TNFRSF8: variants seen among roughly 807,000 people sequenced by gnomAD.
TNFRSF8 encodes the protein tumor necrosis factor receptor superfamily member 8.
TNFRSF8 carries 26 observed loss-of-function variants against 70.8 expected under a neutral mutation model. The ratio of observed to expected loss-of-function variants is 0.37; its 90% CI spans 0.27 to 0.51. TNFRSF8 has a LOEUF of 0.51. Among genes scored for constraint, TNFRSF8 ranks in the 20% least tolerant of loss-of-function variants. The probability of loss-of-function intolerance (pLI) is 0.94; values close to 1 mark genes in which losing one functional copy is unlikely to be tolerated. For missense variants in TNFRSF8, 720 were observed against 807.9 expected (o/e 0.89, Z 1.32); for synonymous variants, 356 against 339.2 (o/e 1.05, Z -0.54).
chr1:12,101,964 C>T (rs11578477), intron 3 of TNFRSF8, among the ~76,000 whole-genome samples: 8,631 of 152,186 alleles, frequency 0.057, 332 homozygotes, highest in Non-Finnish European at 0.079. Context: ...CGTGAGCCAC[C>T]GCGCCCGGCT....
rs199941905 is a variant in TNFRSF8 at position 12,108,074 on chromosome 1, A to ATTTTTTTTTTTTT, written c.422-1485_422-1484insTTTTTTTTTTTTT. ...CGAAGTCCCACACATACAGGCCACC[A>ATTTTTTTTTTTTT]TTTTTTTATTTTTTTTTTTTTTGTG... On this transcript the variant is annotated intron_variant, in intron 4 of 14. Coordinates refer to ENST00000263932, the MANE Select transcript of TNFRSF8 (RefSeq NM_001243.5). The surrounding 1 kb of genome is among the most constrained non-coding windows in gnomAD (Gnocchi z 4.0). Among the ~76,000 whole-genome samples the ATTTTTTTTTTTTT allele has an allele frequency of 5.3e-3, 775 of 146,038 alleles. 13 individuals are homozygous for ATTTTTTTTTTTTT. The highest frequency in any genetic ancestry group is 8.2e-3 in the Non-Finnish European group (546 of 66,348).
At chr1:12,085,142 C>T (rs1488927796) in intron 2 of TNFRSF8, among the ~76,000 whole-genome samples, 3 of 151,954 alleles carry the variant, frequency 2.0e-5, no homozygotes, top group Non-Finnish European at 4.4e-5. Context: ...TGGAGTTTTG[C>T]TCTTGTTGCC....
At chr1:12,096,451 A>G (rs1641332688) in intron 2 of TNFRSF8, among the ~76,000 whole-genome samples, 1 of 150,940 alleles carries the variant, frequency 6.6e-6, no homozygotes, top group African/African-American at 2.4e-5. Context: ...AAAATCACAC[A>G]CACGCAAATC....
At chr1:12,132,814 G>A (rs544658944) in intron 12 of TNFRSF8, among the ~76,000 whole-genome samples, 21 of 142,098 alleles carry the variant, frequency 1.5e-4, no homozygotes, top group South Asian at 4.5e-4. Context: ...CTCCAGCCTC[G>A]GTGACAGAGC....
intron 2 of TNFRSF8, among the ~76,000 whole-genome samples, chr1:12,090,046 CCCATCCATCTACCCAT>C (rs1641220845): frequency 6.8e-6 from 1 of 146,760 alleles, no homozygotes; most frequent in Admixed American, 6.8e-5. Flanking sequence ...CATCTATCTA[CCCATCCATCTACCCAT>C]CCATCCATCT....
intron 2 of TNFRSF8, among the ~76,000 whole-genome samples, chr1:12,090,847 T>C (rs1641236594): frequency 6.6e-6 from 1 of 152,190 alleles, no homozygotes; most frequent in East Asian, 1.9e-4. Flanking sequence ...GTCATGCCCG[T>C]ATCCCCCAAC....
In TNFRSF8 at chr1:12,123,417, G is replaced by C. The variant is rs1157908720; in HGVS notation, c.1040+40G>C. On this transcript the variant is annotated intron_variant, in intron 9 of 14. Coordinates refer to ENST00000263932, the MANE Select transcript of TNFRSF8 (RefSeq NM_001243.5). ...CCTTCTCTCTGTTTGGCTGCTGCAG[G>C]AGGGAGCTGTCCCTGCCATGCCCAG... is the stretch of plus-strand genomic sequence containing the variant. 5.1e-6 allele frequency: 8 copies of C among 1,554,544 alleles called. No individual in the cohort carries two copies. The Admixed American group carries it at 1.1e-4, about 22-fold the overall frequency.
intron 13 of TNFRSF8, among the ~76,000 whole-genome samples, chr1:12,137,779 A>G (rs1642175056): frequency 6.6e-6 from 1 of 151,936 alleles, no homozygotes; most frequent in Admixed American, 6.6e-5. Context: ...GCTGGTACTT[A>G]CAGACTTGGG....
chr1:12,106,798 G>T (rs12092682), intron 4 of TNFRSF8, among the ~76,000 whole-genome samples: 43,660 of 151,880 alleles, frequency 0.29, 6,531 homozygotes, highest in South Asian at 0.38. Context: ...TGTGGGGCAT[G>T]TTCCCACCCG....
intron 10 of TNFRSF8, among the ~76,000 whole-genome samples, chr1:12,124,999 C>T (rs567066708): frequency 7.2e-5 from 11 of 152,124 alleles, no homozygotes; most frequent in Non-Finnish European, 1.0e-4. Context: ...TCTGAAAGTG[C>T]GGTCCCGTCT....
intron 1 of TNFRSF8, among the ~76,000 whole-genome samples, chr1:12,078,737 T>C (rs1373628226): frequency 6.6e-6 from 1 of 152,134 alleles, no homozygotes; most frequent in Non-Finnish European, 1.5e-5. Context: ...AGATTTCTCG[T>C]CCTTACGTCT....
chr1:12,064,509 C>A (rs1640704396), intron 1 of TNFRSF8, among the ~76,000 whole-genome samples: 1 of 151,972 alleles, frequency 6.6e-6, no homozygotes, highest in Non-Finnish European at 1.5e-5. Flanking sequence ...CGAGTGGATG[C>A]CTGCTGAATG....
intron 3 of TNFRSF8, among the ~76,000 whole-genome samples, chr1:12,103,898 G>T (rs1641468918): frequency 6.6e-6 from 1 of 152,206 alleles, no homozygotes; most frequent in Non-Finnish European, 1.5e-5. Flanking sequence ...TTACAGCAGG[G>T]TTCACTCTTT....
At chr1:12,094,953 G>C (rs1228203699) in intron 2 of TNFRSF8, among the ~76,000 whole-genome samples, 1 of 151,926 alleles carries the variant, frequency 6.6e-6, no homozygotes, top group Non-Finnish European at 1.5e-5. Context: ...AGAGGTTCTT[G>C]CGTGTTGTTC....
At chr1:12,101,420 C>T (rs918016162) in intron 3 of TNFRSF8, among the ~76,000 whole-genome samples, 2 of 134,342 alleles carry the variant, frequency 1.5e-5, no homozygotes, top group Non-Finnish European at 1.5e-5. Flanking sequence ...GAGCAAGACC[C>T]TGTTTCAAAA....
Position 12,084,261 on chromosome 1 carries a change from G to A in TNFRSF8, c.64-203G>A, listed in dbSNP as rs114528335. On this transcript the variant is annotated intron_variant, in intron 1 of 14. Coordinates refer to ENST00000263932, the MANE Select transcript of TNFRSF8 (RefSeq NM_001243.5). ...AGGTTGTTTGAGAGGAGAGAGTCAA[G>A]GGAGACGCTAAAGTTTCTGGCCTGA... is the stretch of plus-strand genomic sequence containing the variant. Among the ~76,000 whole-genome samples, 215 of 152,268 alleles carry A rather than the reference G, an allele frequency of 1.4e-3. 2 individuals are homozygous for A. Among genetic ancestry groups the A allele is most frequent in the African/African-American group, 5.1e-3 (210 of 41,532 alleles).
chr1:12,063,714 G>C lies in TNFRSF8; in HGVS notation c.63+53G>C. The stretch of plus-strand genomic sequence containing the variant: ...GTGCCGGCGGTCCAGAGCCCGGACA[G>C]TGTGGGGTGCGTGGGACGCAAGGGA... On this transcript the variant is annotated intron_variant, in intron 1 of 14. Transcript: ENST00000263932. The surrounding 1 kb of genome is among the most constrained non-coding windows in gnomAD (Gnocchi z 7.2). 8.0e-7 allele frequency: 1 copy of C among 1,253,666 alleles called. No homozygotes were observed. The allele number at this position is 1,253,666 out of a possible 1,614,324, so 77.7% of individuals were successfully genotyped here.
rs1390872754 is a variant in TNFRSF8, at chr1:12,104,503, T to C, written c.393T>C (p.Cys131=). Reference sequence around the variant, plus strand: ...CCCGCTGCTTCTTCCATTCTGTCTGTCCGGCAGGGATGATTGTCAAGTTCC... The same window carrying C: ...CCCGCTGCTTCTTCCATTCTGTCTGCCCGGCAGGGATGATTGTCAAGTTCC... ...SCARCFFHSV[C]PAGMIVKFPG... The change falls in exon 4 of 15, where the codon TGT becomes TGC. Residue 131 remains cysteine (C), a synonymous_variant. Transcript: ENST00000263932. 6.2e-7 allele frequency: 1 copy of C among 1,614,230 alleles called. No individual in the cohort carries two copies. The highest frequency in any genetic ancestry group is 8.5e-7 in the Non-Finnish European group (1 of 1,180,038).
chr1:12,083,937 G>C (rs567602760), intron 1 of TNFRSF8, among the ~76,000 whole-genome samples: 42 of 152,288 alleles, frequency 2.8e-4, no homozygotes, highest in African/African-American at 9.6e-4. Context: ...GAGTGTGTGG[G>C]AGGGGGGATG....
Sources: gnomAD v4.1 joint callset for allele counts (sites outside exome capture counted in the v4.1 genomes callset) on GRCh38, gnomAD v4.1.1 for gene constraint, Gnocchi (gnomAD v3.1) non-coding constraint, MANE v1.5 for transcripts, NCBI Gene and HGNC (gene_info 2026-07-23, HGNC 2026-07-21) for gene names.